Variants in MS4A4E observed in about 807,000 individuals in gnomAD.
MS4A4E encodes the protein putative membrane-spanning 4-domains subfamily A member 4E.
Under a neutral mutation model 13.3 loss-of-function variants are expected in MS4A4E, and 23 were observed. The ratio of observed to expected loss-of-function variants is 1.73; its 90% CI spans 1.25 to 2.45. The LOEUF is 2.45. Among genes scored for constraint, MS4A4E ranks in the 30% most tolerant of loss-of-function variants. The pLI is 0.00. For missense variants in MS4A4E, 144 were observed against 131.2 expected (o/e 1.10, Z -0.48); for synonymous variants, 36 against 45.6 (o/e 0.79, Z 0.85).
intron 5 of MS4A4E, among the ~76,000 whole-genome samples, chr11:60,210,291 C>T (rs975943501): frequency 5.3e-5 from 8 of 152,120 alleles, no homozygotes; most frequent in Admixed American, 6.5e-5. Flanking sequence ...AGAATAGACC[C>T]ATTGCTTCAA....
chr11:60,234,322 A>G (rs1426530242), intron 1 of MS4A4E, among the ~76,000 whole-genome samples: 1 of 152,234 alleles, frequency 6.6e-6, no homozygotes, highest in Non-Finnish European at 1.5e-5. Context: ...TGAGAAGAAC[A>G]TGAGTTTTGG....
chr11:60,202,404 G>A (rs79524471), intron 8 of MS4A4E, among the ~76,000 whole-genome samples: 2 of 152,220 alleles, frequency 1.3e-5, no homozygotes, highest in East Asian at 3.8e-4. Flanking sequence ...TATATAGAAT[G>A]TATGGGAGCT....
rs769353339 is a variant in MS4A4E at position 60,201,567 on chromosome 11, G to A, written c.972C>T (p.Val324=). 1 of 321,662 alleles carries A rather than the reference G, an allele frequency of 3.1e-6. No individual in the cohort carries two copies. Among genetic ancestry groups the A allele is most frequent in the South Asian group, 2.2e-5 (1 of 45,380 alleles). The allele number at this position is 321,662 out of a possible 1,614,324, so 19.9% of individuals were successfully genotyped here. A position where few individuals can be genotyped will look rare whatever the true frequency, so the allele number is the denominator to read the frequency against. ...CTCAGAAGATGGGCGGCCGGGCGGA[G>A]ACACTCCTCACCTCCCAGATGGGAT... is the stretch of plus-strand genomic sequence containing the variant. ...GHHPIWEVRS[V]SARPPIF The change falls in exon 9 of 9, where the codon GTC becomes GTT. Residue 324 remains valine, a synonymous_variant. Coordinates refer to ENST00000651255, the MANE Select transcript of MS4A4E (RefSeq NM_001393391.1).
chr11:60,221,060 T>G (rs1457568016), intron 3 of MS4A4E, among the ~76,000 whole-genome samples: 4 of 152,192 alleles, frequency 2.6e-5, no homozygotes, highest in Non-Finnish European at 5.9e-5. Context: ...CCCCCATAGA[T>G]GAATCACAGC....
Position 60,201,532 on chromosome 11 carries a change from C to G in MS4A4E, c.*11G>C, listed in dbSNP as rs1231733322. ...CAGACAGGGCGGTGGGGCAAAGGCGCTCCCCACATCTCAGAAGATGGGCGG... is the reference window on the plus strand; with the variant it reads ...CAGACAGGGCGGTGGGGCAAAGGCGGTCCCCACATCTCAGAAGATGGGCGG... On this transcript the variant is annotated 3_prime_UTR_variant, in exon 9 of 9. Transcript: ENST00000651255. 6.9e-6 allele frequency: 2 copies of G among 288,720 alleles called. No individual in the cohort carries two copies. The highest frequency in any genetic ancestry group is 1.6e-4 in the East Asian group (1 of 6,154). The allele number at this position is 288,720 out of a possible 1,614,324, so 17.9% of individuals were successfully genotyped here.
chr11:60,223,350 G>T (rs1468854099), intron 3 of MS4A4E, among the ~76,000 whole-genome samples: 1 of 152,272 alleles, frequency 6.6e-6, no homozygotes, highest in East Asian at 1.9e-4. Context: ...AATAGCATTT[G>T]TATAGGGGAT....
At chr11:60,216,598 AT>A (rs1256481052) in intron 3 of MS4A4E, among the ~76,000 whole-genome samples, 2 of 150,492 alleles carry the variant, frequency 1.3e-5, no homozygotes, top group African/African-American at 2.4e-5. Flanking sequence ...CATTGGTAAT[AT>A]ATATATTATA....
chr11:60,205,466 G>A (rs1310738614), intron 7 of MS4A4E, among the ~76,000 whole-genome samples: 3 of 152,172 alleles, frequency 2.0e-5, no homozygotes, highest in South Asian at 2.1e-4. Context: ...ATGTACATAT[G>A]TATATGTATT....
At chr11:60,225,499 G>C (rs918093533) in intron 3 of MS4A4E, among the ~76,000 whole-genome samples, 2 of 152,134 alleles carry the variant, frequency 1.3e-5, no homozygotes, top group Non-Finnish European at 2.9e-5. Flanking sequence ...AAAAAAAGAA[G>C]AGCAAATCTG....
At chr11:60,230,252 G>A (rs568299969) in intron 1 of MS4A4E, among the ~76,000 whole-genome samples, 181 bp from the exon 2 acceptor site, 3 of 152,314 alleles carry the variant, frequency 2.0e-5, no homozygotes, top group Admixed American at 2.0e-4. Flanking sequence ...TGGAGAGAGA[G>A]AGAGAGAGAC....
intron 3 of MS4A4E, among the ~76,000 whole-genome samples, chr11:60,218,043 G>T (rs931151138): frequency 6.6e-6 from 1 of 152,172 alleles, no homozygotes; most frequent in African/African-American, 2.4e-5. Context: ...TCTCAGCAAG[G>T]AACATCCCTG....
chr11:60,242,813 C>G (rs1161215718), intron 1 of MS4A4E, 145 bp downstream of exon 1: 1 of 510,650 alleles, frequency 2.0e-6, no homozygotes, highest in African/African-American at 2.0e-5. Context: ...AATGTGCACT[C>G]AATCCACCCC....
chr11:60,203,288 T>G (rs2084006777), intron 8 of MS4A4E, among the ~76,000 whole-genome samples: 3 of 152,210 alleles, frequency 2.0e-5, no homozygotes, highest in South Asian at 4.1e-4. Flanking sequence ...CGCCTACCAG[T>G]GTCAATCTTC....
In MS4A4E at chr11:60,208,689, C is replaced by T. The variant is rs76110614; in HGVS notation, c.387G>A (p.Thr129=). The part of the protein sequence containing the change: ...CYMTMSILMG[T]DGMVLLLSVL... ...CACTTAAGAGGAGCACCATGCCATC[C>T]GTACCCTAGGAGAAAACTCATAACA... The change falls in exon 6 of 9, where the codon ACG becomes ACA. Residue 129 remains threonine, a synonymous_variant. Coordinates refer to ENST00000651255, the MANE Select transcript of MS4A4E (RefSeq NM_001393391.1). 118 of 1,323,220 alleles carry T rather than the reference C, an allele frequency of 8.9e-5. No individual in the cohort carries two copies. The East Asian group carries it at 2.2e-3, about 24-fold the overall frequency. The allele number at this position is 1,323,220 out of a possible 1,614,324, so 82.0% of individuals were successfully genotyped here. A position where few individuals can be genotyped will look rare whatever the true frequency, so the allele number is the denominator to read the frequency against.
rs1035573158 is a variant in MS4A4E, at chr11:60,208,643, C to G, written c.433G>C (p.Val145Leu). The change falls in exon 6 of 9, where the codon GTG (valine) becomes CTG (leucine). Residue 145 changes from valine to leucine, a missense_variant. Transcript: ENST00000651255. ...TTACATCCAAAGGCAGAGAGGGCCA[C>G]AGCAATGCAGAATTCCAGCACACTT... Reference protein sequence around the residue: ...LLSVLEFCIAVALSAFGCKVL... With the variant: ...LLSVLEFCIALALSAFGCKVL... 6.1e-6 allele frequency: 9 copies of G among 1,483,302 alleles called. No homozygotes were observed. The African/African-American group carries it at 1.1e-4, about 18-fold the overall frequency. The allele number at this position is 1,483,302 out of a possible 1,614,324, so 91.9% of individuals were successfully genotyped here.
intron 1 of MS4A4E, among the ~76,000 whole-genome samples, chr11:60,230,704 C>A (rs2084398203): frequency 6.6e-6 from 1 of 152,148 alleles, no homozygotes; most frequent in African/African-American, 2.4e-5. Flanking sequence ...ATACATAAAG[C>A]CATTTTTTGA....
intron 5 of MS4A4E, among the ~76,000 whole-genome samples, chr11:60,209,757 G>T (rs582407): frequency 1.2e-4 from 18 of 152,262 alleles, no homozygotes; most frequent in Admixed American, 3.3e-4. Context: ...ACTGATGCAG[G>T]GATTATCTGG....
intron 3 of MS4A4E, among the ~76,000 whole-genome samples, chr11:60,228,045 T>A (rs1366074403): frequency 6.6e-6 from 1 of 152,018 alleles, no homozygotes; most frequent in Non-Finnish European, 1.5e-5. Flanking sequence ...TGGTGATGAG[T>A]TTGTCAATAC....
rs375804880 is a variant in MS4A4E at position 60,234,679 on chromosome 11, T to G, written c.-16-4608A>C. On this transcript the variant is annotated intron_variant, in intron 1 of 8. Transcript: ENST00000651255. ...GAACTGTAGAACTGCAGCAGATACA[T>G]GAAAGATAAAAAAAATTAAAAGCTT... 2.6e-5 allele frequency among the ~76,000 whole-genome samples: 4 copies of G among 151,360 alleles called. No individual in the cohort carries two copies. In the East Asian group the frequency reaches 5.9e-4, roughly 22 times the overall value.
Sources: gnomAD v4.1 joint callset for allele counts (sites outside exome capture counted in the v4.1 genomes callset) on GRCh38, gnomAD v4.1.1 for gene constraint, MANE v1.5 for transcripts, NCBI Gene and HGNC (gene_info 2026-07-23, HGNC 2026-07-21) for gene names.